HDAC8: variants seen among roughly 807,000 people sequenced by gnomAD.
The protein encoded by HDAC8 is histone deacetylase 8, also known as histone deacetylase-like 1.
A neutral mutation model predicts 32.2 loss-of-function variants in HDAC8; 1 was observed. The ratio of observed to expected loss-of-function variants is 0.03; its 90% CI spans 0.01 to 0.15. HDAC8 has a LOEUF of 0.15. Ranked by LOEUF, HDAC8 falls within the 10% of genes least tolerant of loss-of-function variation. The pLI, the probability that HDAC8 is intolerant of heterozygous loss-of-function variation, is 1.00. For synonymous variants in HDAC8, 108 were observed against 113.9 expected, an observed-to-expected ratio of 0.95 and a Z score of 0.33; for missense variants, 117 against 300.0, an observed-to-expected ratio of 0.39 and a Z score of 4.51.
intron 7 of HDAC8, chrX:72,473,954 A>G (rs1555999034): frequency 1.7e-5 from 12 of 690,320 alleles, no homozygotes; most frequent in Non-Finnish European, 2.1e-5. Flanking sequence ...CATGCACTTT[A>G]CAGTCCAGCC....
intron 9 of HDAC8, among the ~76,000 whole-genome samples, chrX:72,414,378 G>A (rs1340005814): frequency 9.9e-5 from 11 of 111,506 alleles, no homozygotes; most frequent in African/African-American, 3.6e-4. Flanking sequence ...AAGTGTAGTC[G>A]GAGTCTAGGC....
intron 9 of HDAC8, among the ~76,000 whole-genome samples, chrX:72,441,295 G>A (rs988943633): frequency 2.7e-5 from 3 of 112,245 alleles, no homozygotes; most frequent in Admixed American, 9.4e-5. Flanking sequence ...CCAAGTAGGG[G>A]CAGACTGACA....
At chrX:72,335,733 A>C (rs1199775576) in intron 10 of HDAC8, among the ~76,000 whole-genome samples, 1 of 110,262 alleles carries the variant, frequency 9.1e-6, no homozygotes, top group Non-Finnish European at 1.9e-5. Context: ...CAAAATAGTG[A>C]GAAACTGTCT....
intron 9 of HDAC8, among the ~76,000 whole-genome samples, chrX:72,371,226 G>A (rs1555956245): frequency 9.0e-6 from 1 of 111,698 alleles, no homozygotes; most frequent in Non-Finnish European, 1.9e-5. Context: ...TAGTAATATT[G>A]GCAATTGTTG....
At chrX:72,551,824 T>G (rs1396894633) in intron 4 of HDAC8, among the ~76,000 whole-genome samples, 1 of 112,121 alleles carries the variant, frequency 8.9e-6, no homozygotes, top group Non-Finnish European at 1.9e-5. Flanking sequence ...TATAAAACCT[T>G]TATAATCTGA....
intron 4 of HDAC8, among the ~76,000 whole-genome samples, chrX:72,557,905 T>C (rs189022550): frequency 9.7e-4 from 108 of 111,632 alleles, no homozygotes; most frequent in Middle Eastern, 4.7e-3. Flanking sequence ...TGGGAGATAT[T>C]ACAACTGATA....
rs782272358 is a variant in HDAC8, at chrX:72,340,234, T to TTGCC, written c.1112-10162_1112-10159dup. Among the ~76,000 whole-genome samples the TTGCC allele has an allele frequency of 2.2e-3, 241 of 112,072 alleles. 6 individuals carry two copies. The highest frequency in any genetic ancestry group is 2.3e-3 in the South Asian group (6 of 2,657). ...AGGTGACATCACAGGAGTGGGCTGC[T>TTGCC]TGCCTGCCAGCCAGCTTGTGGAGCT... On this transcript the variant is annotated intron_variant, in intron 10 of 10. Coordinates refer to ENST00000373573, the MANE Select transcript of HDAC8 (RefSeq NM_018486.3).
chrX:72,514,504 C>T (rs2049716210), intron 4 of HDAC8, among the ~76,000 whole-genome samples: 1 of 112,154 alleles, frequency 8.9e-6, no homozygotes, highest in Admixed American at 9.4e-5. Flanking sequence ...TCTTAAGCAG[C>T]AGAAGTTTTT....
At chrX:72,429,219 A>C (rs1459508362) in intron 9 of HDAC8, among the ~76,000 whole-genome samples, 1 of 110,895 alleles carries the variant, frequency 9.0e-6, no homozygotes, top group Non-Finnish European at 1.9e-5. Flanking sequence ...TTATAAAAAA[A>C]GTTTATAAGG....
chrX:72,392,305 A>G (rs1188037521), intron 9 of HDAC8, among the ~76,000 whole-genome samples: 4 of 112,006 alleles, frequency 3.6e-5, no homozygotes, highest in African/African-American at 1.3e-4. Flanking sequence ...ATGTCTCACT[A>G]TTAGTCACTT....
chrX:72,560,166 T>G (rs1334623917), intron 4 of HDAC8, among the ~76,000 whole-genome samples: 6 of 112,280 alleles, frequency 5.3e-5, no homozygotes, highest in African/African-American at 1.9e-4. Flanking sequence ...ATTGTTGCTG[T>G]GTCCGTGTAG....
At position 72,351,762 on chromosome X, in the gene HDAC8, C is replaced by T. The variant is rs781862582; in HGVS notation, c.1082G>A (p.Arg361Gln). The stretch of plus-strand genomic sequence containing the variant: ...GATGTAGTTGAGGATTTGTTGGATT[C>T]GGTGGGGCTCATTGCGGTCTGGCCG... Reference protein sequence around the residue: ...SCRPDRNEPHRIQQILNYIKG... With the variant: ...SCRPDRNEPHQIQQILNYIKG... The change falls in exon 10 of 11, where the codon CGA becomes CAA. Residue 361 changes from arginine to glutamine, a missense_variant. Transcript: ENST00000373573. The T allele has an allele frequency of 2.2e-5, 27 of 1,208,029 alleles. No individual in the cohort carries two copies. In the Admixed American group the frequency reaches 3.5e-4, roughly 16 times the overall value.
intron 4 of HDAC8, among the ~76,000 whole-genome samples, chrX:72,552,946 G>T (rs1210237138): frequency 2.7e-5 from 3 of 110,992 alleles, no homozygotes; most frequent in Non-Finnish European, 3.8e-5. Flanking sequence ...AGGACTCTAA[G>T]TGAATATATG....
chrX:72,402,624 G>A (rs2045937063), intron 9 of HDAC8, among the ~76,000 whole-genome samples: 2 of 110,656 alleles, frequency 1.8e-5, no homozygotes, highest in Non-Finnish European at 3.8e-5. Flanking sequence ...TTAGAAATGT[G>A]TAGTTTATTT....
chrX:72,548,680 T>TTCTC (rs376266129), intron 4 of HDAC8, among the ~76,000 whole-genome samples: 10 of 105,971 alleles, frequency 9.4e-5, no homozygotes, highest in Non-Finnish European at 1.4e-4. Context: ...ACCATTTCTC[T>TTCTC]TCTCTCTCTC....
chrX:72,394,868 C>T (rs1186098799), intron 9 of HDAC8, among the ~76,000 whole-genome samples: 1 of 111,718 alleles, frequency 9.0e-6, no homozygotes, highest in East Asian at 2.8e-4. Context: ...ATCCCCTCCT[C>T]CTCTTGTCCT....
intron 9 of HDAC8, among the ~76,000 whole-genome samples, chrX:72,442,272 G>A (rs1296798236): frequency 1.8e-5 from 2 of 111,147 alleles, no homozygotes; most frequent in Non-Finnish European, 3.8e-5. Context: ...AAAATGTTAA[G>A]GGCAGCCAGA....
chrX:72,427,548 G>A (rs1295980092), intron 9 of HDAC8, among the ~76,000 whole-genome samples: 1 of 96,364 alleles, frequency 1.0e-5, no homozygotes, highest in Non-Finnish European at 2.1e-5. Flanking sequence ...ACCGAACAGT[G>A]AGAACACATG....
chrX:72,493,810 C>T (rs1474610367), intron 5 of HDAC8, among the ~76,000 whole-genome samples: 1 of 111,233 alleles, frequency 9.0e-6, no homozygotes. Flanking sequence ...GATCCTCCTG[C>T]CTCAGCTTCC....
Sources: allele counts gnomAD v4.1 joint callset (sites outside exome capture counted in the v4.1 genomes callset), GRCh38; gene constraint gnomAD v4.1.1; transcripts MANE v1.5; gene names NCBI Gene and HGNC (gene_info 2026-07-23, HGNC 2026-07-21).